The following SLC5A4 variants were observed in gnomAD, a reference collection of about 807,000 sequenced individuals.
SLC5A4 encodes solute carrier family 5 member 4.
Under a neutral mutation model 70.3 loss-of-function variants are expected in SLC5A4, and 55 were observed. That is an observed-to-expected ratio of 0.78 (90% CI 0.63 to 0.98). SLC5A4 has a LOEUF of 0.98. SLC5A4 is among the 50% of genes least tolerant of loss of function. SLC5A4 has a pLI of 0.00. For missense variants in SLC5A4, 735 were observed against 839.2 expected (o/e 0.88, Z 1.53); for synonymous variants, 268 against 305.7 (o/e 0.88, Z 1.29).
At chr22:32,220,708 G>C (rs1441814776) in intron 14 of SLC5A4, among the ~76,000 whole-genome samples, 1 of 152,232 alleles carries the variant, frequency 6.6e-6, no homozygotes, top group African/African-American at 2.4e-5. Context: ...ATGGATGGAT[G>C]ATGGGTGGAC....
the SLC5A4 span, among the ~76,000 whole-genome samples, chr22:32,288,017 CTTT>C: frequency 6.2e-5 from 6 of 96,394 alleles, no homozygotes; most frequent in Admixed American, 1.1e-4. Context: ...TTCTTTCTTT[CTTT>C]TTTTTTTTTT....
At chr22:32,315,595 G>T in the SLC5A4 span, among the ~76,000 whole-genome samples, 1 of 151,926 alleles carries the variant, frequency 6.6e-6, no homozygotes, top group East Asian at 1.9e-4. Context: ...AGATAACCAT[G>T]GGATCAAAAA....
chr22:32,270,705 G>A, the SLC5A4 span: 4 of 672,524 alleles, frequency 5.9e-6, no homozygotes, highest in Non-Finnish European at 1.1e-5. Context: ...GAATGAATCA[G>A]TTGTACTTCA....
chr22:32,305,406 G>GAT, the SLC5A4 span, among the ~76,000 whole-genome samples: 1 of 145,050 alleles, frequency 6.9e-6, no homozygotes, highest in Non-Finnish European at 1.5e-5. Context: ...TGCCAGGAAA[G>GAT]ATATATTTAA....
chr22:32,325,701 C>T, the SLC5A4 span, among the ~76,000 whole-genome samples: 2 of 152,260 alleles, frequency 1.3e-5, no homozygotes, highest in Non-Finnish European at 2.9e-5. Context: ...GTGCCAAGCA[C>T]TTCCCATGCG....
intron 5 of SLC5A4, among the ~76,000 whole-genome samples, chr22:32,239,370 A>G (rs1165141659): frequency 6.7e-6 from 1 of 150,292 alleles, no homozygotes; most frequent in Non-Finnish European, 1.5e-5. Flanking sequence ...TTTCTGTATC[A>G]TGAGGCTTAG....
the SLC5A4 span, among the ~76,000 whole-genome samples, chr22:32,298,750 C>T: frequency 8.0e-4 from 76 of 94,868 alleles, no homozygotes; most frequent in African/African-American, 2.3e-3. Flanking sequence ...TTCCTAGTCT[C>T]GATGGTCTTT....
the SLC5A4 span, chr22:32,272,419 G>T: frequency 1.5e-5 from 13 of 890,998 alleles, no homozygotes; most frequent in Non-Finnish European, 2.0e-5. Flanking sequence ...CTTCATGGTC[G>T]ACAGGCAGCT....
the SLC5A4 span, among the ~76,000 whole-genome samples, chr22:32,351,748 C>CG: frequency 0.082 from 969 of 11,820 alleles, 54 homozygotes; most frequent in Middle Eastern, 0.21. Context: ...GGGGGGAGGG[C>CG]GGGGGGGGGG....
the SLC5A4 span, among the ~76,000 whole-genome samples, chr22:32,290,016 T>A: frequency 6.6e-6 from 1 of 152,190 alleles, no homozygotes; most frequent in Non-Finnish European, 1.5e-5. Flanking sequence ...TAGAAGAGCT[T>A]ATGATTGGCA....
the SLC5A4 span, among the ~76,000 whole-genome samples, chr22:32,338,481 C>A: frequency 6.6e-6 from 1 of 152,098 alleles, no homozygotes; most frequent in Non-Finnish European, 1.5e-5. Context: ...GAACCTCCCC[C>A]ACCACCCACC....
rs753080903 is a variant in SLC5A4 at position 32,231,072 on chromosome 22, A to T, written c.1025T>A (p.Met342Lys). 3.7e-6 allele frequency: 6 copies of T among 1,607,178 alleles called. No homozygotes were observed. In the Admixed American group the frequency reaches 6.7e-5, roughly 18 times the overall value. Residue 342 changes from methionine (M) to lysine (K), a missense_variant, in exon 10 of 15, where the codon ATG (methionine) becomes AAG (lysine). Physicochemically the swap from Met to Lys is moderately conservative, Grantham distance 95. Coordinates refer to ENST00000266086, the MANE Select transcript of SLC5A4 (RefSeq NM_014227.3). Reference protein sequence around the residue: ...GMISRILYTDMVACVVPSECV... With the variant: ...GMISRILYTDKVACVVPSECV... ...TTCAGAAGGTACCACACATGCTACC[A>T]TATCTGGGGAAGAATTCAGAAGTGA...
chr22:32,287,198 C>T, the SLC5A4 span, among the ~76,000 whole-genome samples: 2 of 152,318 alleles, frequency 1.3e-5, no homozygotes, highest in East Asian at 3.9e-4. Context: ...TGACTTAAAA[C>T]AAGCTATGGC....
At chr22:32,333,777 A>G in the SLC5A4 span, among the ~76,000 whole-genome samples, 1 of 149,904 alleles carries the variant, frequency 6.7e-6, no homozygotes, top group Non-Finnish European at 1.5e-5. Flanking sequence ...CAATACACAT[A>G]AACACACACA....
the SLC5A4 span, among the ~76,000 whole-genome samples, chr22:32,302,305 T>A: frequency 2.4e-5 from 1 of 41,268 alleles, no homozygotes; most frequent in Admixed American, 2.7e-4. Context: ...GGTTTGAAAT[T>A]TTTTTTTTAC....
chr22:32,335,923 T>G, the SLC5A4 span, among the ~76,000 whole-genome samples: 1 of 152,168 alleles, frequency 6.6e-6, no homozygotes, highest in Non-Finnish European at 1.5e-5. Context: ...GTTTCCATCA[T>G]TGTCACGGGA....
rs1180268934 is a variant in SLC5A4, at chr22:32,238,999, AC to A, written c.568del (p.Val190PhefsTer11). The A allele has an allele frequency of 2.5e-6, 4 of 1,613,158 alleles. No individual in the cohort carries two copies. Among genetic ancestry groups the A allele is most frequent in the Non-Finnish European group, 3.4e-6 (4 of 1,179,080 alleles). ...AACATACTTACCAGTGGTGGTGTAA[AC>A]AGCAGTCATAGCCAAGAGGATGAAG... ...AIFILLAMTA[V>X]YTTTGGLASV... On this transcript the variant is annotated frameshift_variant, in exon 6 of 15. Transcript: ENST00000266086. LOFTEE classifies it high-confidence loss of function.
the SLC5A4 span, among the ~76,000 whole-genome samples, chr22:32,320,208 C>A: frequency 3.3e-5 from 5 of 152,330 alleles, no homozygotes; most frequent in Non-Finnish European, 7.3e-5. Context: ...CACCCTGACA[C>A]TGATCAAAAG....
the SLC5A4 span, among the ~76,000 whole-genome samples, chr22:32,337,458 C>T: frequency 6.6e-6 from 1 of 152,068 alleles, no homozygotes; most frequent in South Asian, 2.1e-4. Flanking sequence ...TGCTTGAACC[C>T]CGGAGGTGGA....
Sources: allele counts gnomAD v4.1 joint callset (sites outside exome capture counted in the v4.1 genomes callset), GRCh38; gene constraint gnomAD v4.1.1; transcripts MANE v1.5; gene names NCBI Gene and HGNC (gene_info 2026-07-23, HGNC 2026-07-21).